Variants in CEP350 observed in about 807,000 individuals in gnomAD.
The protein encoded by CEP350 is centrosomal protein 350, also known as centrosome-associated protein 350.
In CEP350, 126 loss-of-function variants were observed where a neutral mutation model predicts 331.8. The ratio of observed to expected loss-of-function variants is 0.38; its 90% CI spans 0.33 to 0.44. The LOEUF (loss-of-function observed/expected upper bound fraction) is 0.44, where lower values mean the gene tolerates loss of function less well. Ranked by LOEUF, CEP350 falls within the 20% of genes least tolerant of loss-of-function variation. CEP350 has a pLI of 1.00. For missense variants in CEP350, 3,406 were observed against 3,634.6 expected, an observed-to-expected ratio of 0.94 and a Z score of 1.62; for synonymous variants, 1,200 against 1,259.5, an observed-to-expected ratio of 0.95 and a Z score of 1.00.
rs545687253 is a variant in CEP350, at chr1:180,042,301, A to T, written c.4362+499A>T. Among the ~76,000 whole-genome samples the T allele has an allele frequency of 6.6e-5, 10 of 152,294 alleles. No homozygotes were observed. The East Asian group carries it at 1.9e-3, about 29-fold the overall frequency. On this transcript the variant is annotated intron_variant, in intron 19 of 37. Transcript: ENST00000367607. ...AGATGTTTCATTTTTACCCAGAATG[A>T]TATTAGTTACTGTCTTTTCTTCTAT... is the stretch of plus-strand genomic sequence containing the variant.
intron 25 of CEP350, among the ~76,000 whole-genome samples, chr1:180,055,214 C>T (rs994543557): frequency 2.6e-5 from 4 of 152,168 alleles, no homozygotes; most frequent in African/African-American, 7.2e-5. Context: ...TGAATTCCAG[C>T]GTTGTCACTT....
At chr1:180,060,100 T>C (rs2148998881) in intron 25 of CEP350, among the ~76,000 whole-genome samples, 1 of 152,344 alleles carries the variant, frequency 6.6e-6, no homozygotes, top group African/African-American at 2.4e-5. Flanking sequence ...TACACAATCA[T>C]TGTATACTCA....
chr1:180,028,407 C>G (rs1186208996), intron 14 of CEP350, among the ~76,000 whole-genome samples: 1 of 152,218 alleles, frequency 6.6e-6, no homozygotes, highest in Non-Finnish European at 1.5e-5. Context: ...CCTAAGGTCA[C>G]TAACTTGTTA....
At chr1:179,994,225 T>C (rs1653307813) in intron 5 of CEP350, among the ~76,000 whole-genome samples, 1 of 152,024 alleles carries the variant, frequency 6.6e-6, no homozygotes, top group Non-Finnish European at 1.5e-5. Flanking sequence ...TGGGGGGGTG[T>C]TAATTTTCTG....
intron 30 of CEP350, among the ~76,000 whole-genome samples, chr1:180,082,632 G>A (rs1659646677): frequency 6.6e-6 from 1 of 152,114 alleles, no homozygotes; most frequent in Non-Finnish European, 1.5e-5. Context: ...GGTTTCTTTA[G>A]TACTTAAAAA....
At chr1:180,100,581 CTTCATAGATTTCCAG>C (rs1375467475) in intron 37 of CEP350, among the ~76,000 whole-genome samples, 1 of 152,168 alleles carries the variant, frequency 6.6e-6, no homozygotes, top group Non-Finnish European at 1.5e-5. Context: ...CAGACCCCAC[CTTCATAGATTTCCAG>C]TTTGAAGGCA....
intron 37 of CEP350, among the ~76,000 whole-genome samples, chr1:180,101,173 A>G (rs1430499870): frequency 6.6e-6 from 1 of 152,196 alleles, no homozygotes; most frequent in East Asian, 1.9e-4. Context: ...GGTAAACAAT[A>G]ATAATAAAGT....
intron 1 of CEP350, among the ~76,000 whole-genome samples, chr1:179,963,890 G>T (rs1650811033): frequency 6.6e-6 from 1 of 152,082 alleles, no homozygotes; most frequent in South Asian, 2.1e-4. Flanking sequence ...GATGGGAATA[G>T]AATTTTTGGA....
intron 1 of CEP350, chr1:179,968,960 C>G: frequency 1.3e-6 from 1 of 758,118 alleles, no homozygotes; most frequent in East Asian, 2.4e-5. Context: ...TGCTTTACTC[C>G]TGGAACCTTC....
At chr1:180,013,787 G>C in intron 9 of CEP350, 60 bp from the exon 10 acceptor site, 2 of 1,421,176 alleles carry the variant, frequency 1.4e-6, no homozygotes, top group Non-Finnish European at 9.5e-7. Flanking sequence ...TGTTAATGCA[G>C]TTAAATCTTA....
chr1:180,012,016 C>A lies in CEP350; in HGVS notation c.1334C>A (p.Pro445Gln), dbSNP rs1389807229. ...KILGPAPRMEPKEQRTASSDR... is the reference protein window; with the variant it reads ...KILGPAPRMEQKEQRTASSDR... ...CTGGGACCTGCTCCCAGAATGGAGCCAAAAGAGCAAAGAACAGCATCAAGT... is the reference window on the plus strand; with the variant it reads ...CTGGGACCTGCTCCCAGAATGGAGCAAAAAGAGCAAAGAACAGCATCAAGT... Residue 445 changes from proline to glutamine, a missense_variant, in exon 9 of 38, where the codon CCA (proline) becomes CAA (glutamine). Pro to Gln is a moderately conservative substitution (Grantham distance 76). Transcript: ENST00000367607. The A allele has an allele frequency of 6.3e-7, 1 of 1,582,570 alleles. No homozygotes were observed. The highest frequency in any genetic ancestry group is 1.8e-5 in the Admixed American group (1 of 54,794).
At chr1:180,092,523 C>A in intron 33 of CEP350, 91 bp from the exon 34 acceptor site, 1 of 936,886 alleles carries the variant, frequency 1.1e-6, no homozygotes, top group Non-Finnish European at 1.5e-6. Flanking sequence ...GTTTTTTTCA[C>A]TAAAATTTGG....
chr1:180,005,441 A>C (rs1271889545), intron 7 of CEP350, among the ~76,000 whole-genome samples: 1 of 151,726 alleles, frequency 6.6e-6, no homozygotes, highest in Non-Finnish European at 1.5e-5. Flanking sequence ...TATTGTCTGA[A>C]ATATACTTAG....
intron 16 of CEP350, among the ~76,000 whole-genome samples, 164 bp from the exon 17 acceptor site, chr1:180,036,762 G>T (rs1200835324): frequency 6.6e-6 from 1 of 152,008 alleles, no homozygotes; most frequent in Non-Finnish European, 1.5e-5. Context: ...TATTCCTTTG[G>T]TCTGGAACTG....
At chr1:180,102,225 TC>T (rs1273405960) in intron 37 of CEP350, among the ~76,000 whole-genome samples, 9 of 145,184 alleles carry the variant, frequency 6.2e-5, no homozygotes, top group South Asian at 2.2e-4. Context: ...AACCTCCGCC[TC>T]CCGGGTTCAA....
chr1:180,106,143 G>A (rs1416979017), intron 37 of CEP350, among the ~76,000 whole-genome samples: 1 of 152,182 alleles, frequency 6.6e-6, no homozygotes, highest in East Asian at 1.9e-4. Context: ...TAACCTTTAT[G>A]TACAGTAGCC....
intron 30 of CEP350, 147 bp downstream of exon 30, chr1:180,080,808 T>C: frequency 5.2e-6 from 3 of 580,088 alleles, no homozygotes; most frequent in South Asian, 1.9e-5. Context: ...ATTAATACCA[T>C]ATTGAATATT....
At chr1:180,098,013 C>G (rs191796438) in intron 36 of CEP350, among the ~76,000 whole-genome samples, 1 of 152,202 alleles carries the variant, frequency 6.6e-6, no homozygotes. Context: ...TCTTGTTGCC[C>G]AGGCTGGAGT....
At chr1:180,036,240 C>A (rs1373317101) in intron 16 of CEP350, among the ~76,000 whole-genome samples, 1 of 152,138 alleles carries the variant, frequency 6.6e-6, no homozygotes, top group African/African-American at 2.4e-5. Context: ...AAAGTGGTTT[C>A]TTGAGATGGA....
Sources: allele counts gnomAD v4.1 joint callset (sites outside exome capture counted in the v4.1 genomes callset), GRCh38; gene constraint gnomAD v4.1.1; transcripts MANE v1.5; gene names NCBI Gene and HGNC (gene_info 2026-07-23, HGNC 2026-07-21).